The following CACNG2 variants were observed in gnomAD, a reference collection of about 807,000 sequenced individuals.
The protein encoded by CACNG2 is calcium voltage-gated channel auxiliary subunit gamma 2.
Under a neutral mutation model 25.9 loss-of-function variants are expected in CACNG2, and 3 were observed. The ratio of observed to expected loss-of-function variants is 0.12; its 90% CI spans 0.05 to 0.30. CACNG2 has a LOEUF of 0.30. CACNG2 is among the 10% of genes least tolerant of loss of function. The probability of loss-of-function intolerance (pLI) is 1.00; values close to 1 mark genes in which losing one functional copy is unlikely to be tolerated. For synonymous variants in CACNG2, 167 were observed against 173.3 expected (o/e 0.96, Z 0.29); for missense variants, 341 against 432.5 (o/e 0.79, Z 1.88).
chr22:36,618,675 C>T (rs1936061339), intron 1 of CACNG2, among the ~76,000 whole-genome samples: 1 of 152,176 alleles, frequency 6.6e-6, no homozygotes, highest in Admixed American at 6.5e-5. Context: ...AATCCCAGCA[C>T]TTTGGGAGGC....
intron 1 of CACNG2, among the ~76,000 whole-genome samples, chr22:36,675,987 T>C (rs970703764): frequency 6.6e-6 from 1 of 152,278 alleles, no homozygotes; most frequent in African/African-American, 2.4e-5. Flanking sequence ...ATCCTGAATT[T>C]GTAGAGGGAA....
intron 1 of CACNG2, among the ~76,000 whole-genome samples, chr22:36,589,262 T>C (rs192505855): frequency 0.012 from 1,870 of 152,264 alleles, 18 homozygotes; most frequent in Non-Finnish European, 0.019. Flanking sequence ...AGTGCTGGGA[T>C]TACAGGCATA....
intron 1 of CACNG2, among the ~76,000 whole-genome samples, chr22:36,690,562 G>A (rs1012940560): frequency 2.0e-5 from 3 of 152,194 alleles, no homozygotes; most frequent in East Asian, 1.9e-4. Flanking sequence ...AGCACTCTAC[G>A]TGGAGCATCC....
At chr22:36,599,313 A>G (rs921570794) in intron 1 of CACNG2, among the ~76,000 whole-genome samples, 3 of 152,248 alleles carry the variant, frequency 2.0e-5, no homozygotes, top group Non-Finnish European at 4.4e-5. Flanking sequence ...TTCCATTTTC[A>G]TTAAGTTAAA....
chr22:36,645,666 G>A (rs1027528149), intron 1 of CACNG2, among the ~76,000 whole-genome samples: 5 of 152,002 alleles, frequency 3.3e-5, no homozygotes, highest in African/African-American at 1.2e-4. Context: ...TTCCTTGACG[G>A]CAATGGATAA....
chr22:36,673,703 A>G (rs1274623274), intron 1 of CACNG2, among the ~76,000 whole-genome samples: 1 of 152,076 alleles, frequency 6.6e-6, no homozygotes, highest in African/African-American at 2.4e-5. Flanking sequence ...CGCAGGTAGG[A>G]GAGAGGGGCT....
chr22:36,625,025 T>TAAAAAAAAAAAAAA (rs1936163504), intron 1 of CACNG2, among the ~76,000 whole-genome samples: 1 of 6,988 alleles, frequency 1.4e-4, no homozygotes, highest in Non-Finnish European at 2.6e-4. Flanking sequence ...AGACTCTGTC[T>TAAAAAAAAAAAAAA]CAAAAAAAAA....
At chr22:36,588,592 G>T (rs1207280359) in intron 1 of CACNG2, among the ~76,000 whole-genome samples, 1 of 152,326 alleles carries the variant, frequency 6.6e-6, no homozygotes, top group Non-Finnish European at 1.5e-5. Context: ...GTATGCTGGG[G>T]CGTATGCACA....
At chr22:36,593,255 C>T (rs1456339746) in intron 1 of CACNG2, among the ~76,000 whole-genome samples, 3 of 152,174 alleles carry the variant, frequency 2.0e-5, no homozygotes, top group East Asian at 3.8e-4. Flanking sequence ...GAAGGGGTCA[C>T]GGCCAGGGAC....
chr22:36,698,347 G>T (rs1218266342), intron 1 of CACNG2, among the ~76,000 whole-genome samples: 7 of 152,148 alleles, frequency 4.6e-5, no homozygotes, highest in Non-Finnish European at 8.8e-5. Context: ...AATTATCTTG[G>T]GAATTATGGA....
chr22:36,590,628 G>T (rs993664638), intron 1 of CACNG2, among the ~76,000 whole-genome samples: 1 of 152,102 alleles, frequency 6.6e-6, no homozygotes, highest in Non-Finnish European at 1.5e-5. Flanking sequence ...GATGGCTGCC[G>T]CGGCCTCCCC....
chr22:36,587,611 C>T (rs1569021524), intron 1 of CACNG2, 63 bp from the exon 2 acceptor site: 2 of 1,100,080 alleles, frequency 1.8e-6, no homozygotes, highest in East Asian at 2.3e-5. Flanking sequence ...TTAGGGCCCA[C>T]CTGCCTCTTC....
chr22:36,610,946 G>A, intron 1 of CACNG2, among the ~76,000 whole-genome samples: 1 of 152,198 alleles, frequency 6.6e-6, no homozygotes, highest in East Asian at 1.9e-4. Flanking sequence ...GGTCAGCAGT[G>A]GCTGCTTTAG....
Position 36,665,204 on chromosome 22 carries a change from T to A in CACNG2, c.211+37162A>T, listed in dbSNP as rs117277596. Among the ~76,000 whole-genome samples, 138 of 152,316 alleles carry A rather than the reference T, an allele frequency of 9.1e-4. 2 individuals carry two copies. In the East Asian group the frequency reaches 0.023, roughly 25 times the overall value. ...TTTCACATGCAGCCAGAATGACTTT[T>A]CTAGCAAAGTAGAGCCTGATGACGA... On this transcript the variant is annotated intron_variant, in intron 1 of 3. Coordinates refer to ENST00000300105, the MANE Select transcript of CACNG2 (RefSeq NM_006078.5).
At position 36,564,902 on chromosome 22, in the gene CACNG2, T is replaced by A; in HGVS notation, c.437-16A>T. 1 of 1,606,776 alleles carries A rather than the reference T, an allele frequency of 6.2e-7. No individual in the cohort carries two copies. On this transcript the variant is annotated splice_polypyrimidine_tract_variant and intron_variant, in intron 3 of 3. Coordinates refer to ENST00000300105, the MANE Select transcript of CACNG2 (RefSeq NM_006078.5). This position sits in a 1 kb window ranked among gnomAD's most constrained non-coding sequence, Gnocchi z 6.7. ...TTACTCAGACCTGCGGGGCGCAGGG[T>A]GGCGGGGTGGGGGATCAGAGAGAAG...
chr22:36,595,961 G>A (rs1008144329), intron 1 of CACNG2, among the ~76,000 whole-genome samples: 14 of 152,212 alleles, frequency 9.2e-5, no homozygotes, highest in Admixed American at 6.5e-4. Context: ...TTAAGAGGAG[G>A]TTTCATCAGC....
chr22:36,676,747 A>G (rs986235868), intron 1 of CACNG2, among the ~76,000 whole-genome samples: 2 of 152,204 alleles, frequency 1.3e-5, no homozygotes, highest in African/African-American at 4.8e-5. Context: ...CAACGCTCAG[A>G]AGCAGAAGAG....
chr22:36,670,200 A>G (rs1436878495), intron 1 of CACNG2, among the ~76,000 whole-genome samples: 9 of 152,196 alleles, frequency 5.9e-5, no homozygotes, highest in Non-Finnish European at 1.2e-4. Flanking sequence ...GCTGGGCTAG[A>G]TGCAGATGGG....
At chr22:36,620,371 C>T (rs1247324228) in intron 1 of CACNG2, among the ~76,000 whole-genome samples, 1 of 152,198 alleles carries the variant, frequency 6.6e-6, no homozygotes. Context: ...AAAACTCATG[C>T]CCCAGAGTGA....
Sources: gnomAD v4.1 joint callset for allele counts (sites outside exome capture counted in the v4.1 genomes callset) on GRCh38, gnomAD v4.1.1 for gene constraint, Gnocchi (gnomAD v3.1) non-coding constraint, MANE v1.5 for transcripts, NCBI Gene and HGNC (gene_info 2026-07-23, HGNC 2026-07-21) for gene names.